The following PAK3 variants were observed in gnomAD, a reference collection of about 807,000 sequenced individuals.
The protein encoded by PAK3 is p21 (RAC1) activated kinase 3.
Under a neutral mutation model 41.0 loss-of-function variants are expected in PAK3, and 4 were observed. The observed-to-expected ratio is 0.10, with a 90% confidence interval of 0.05 to 0.22. PAK3 has a LOEUF of 0.22. PAK3 is among the 10% of genes least tolerant of loss of function. The pLI is 1.00. For synonymous variants in PAK3, 146 were observed against 139.6 expected (o/e 1.05, Z -0.32); for missense variants, 205 against 409.9 (o/e 0.50, Z 4.32).
chrX:111,090,632 C>A (rs1282432735), intron 1 of PAK3, among the ~76,000 whole-genome samples: 3 of 111,393 alleles, frequency 2.7e-5, no homozygotes, highest in Admixed American at 9.5e-5. Flanking sequence ...TCACGACAAC[C>A]AGCAATGATT....
chrX:111,121,284 T>C (rs2148992201), intron 4 of PAK3, among the ~76,000 whole-genome samples: 1 of 111,650 alleles, frequency 9.0e-6, no homozygotes, highest in Admixed American at 9.5e-5. Context: ...TTCATTAAGA[T>C]AATGCAAGAC....
rs111779757 is a variant in PAK3 at position 110,978,195 on chromosome X, G to A, written c.-28+33567G>A. Reference sequence around the variant, plus strand: ...GTGGTATATTACATTAATTGATTTTGCAGATGTTAAAACAACCTTGAATTC... The same window carrying A: ...GTGGTATATTACATTAATTGATTTTACAGATGTTAAAACAACCTTGAATTC... On this transcript the variant is annotated intron_variant, in intron 1 of 14. Coordinates refer to the PAK3 transcript ENST00000425146. Among the ~76,000 whole-genome samples the A allele has an allele frequency of 7.8e-3, 863 of 111,168 alleles. 9 individuals carry two copies. The highest frequency in any genetic ancestry group is 0.027 in the African/African-American group (822 of 30,627).
intron 1 of PAK3, among the ~76,000 whole-genome samples, chrX:111,037,232 A>C (rs951658752): frequency 2.7e-5 from 3 of 112,004 alleles, no homozygotes; most frequent in Admixed American, 1.9e-4. Context: ...GTCATGAGCC[A>C]CTGCACCCAG....
At chrX:110,961,886 T>G (rs2090986044) in intron 1 of PAK3, among the ~76,000 whole-genome samples, 2 of 112,407 alleles carry the variant, frequency 1.8e-5, no homozygotes, top group Admixed American at 1.9e-4. Context: ...GAGTCATTAA[T>G]TTTATACTGC....
intron 4 of PAK3, among the ~76,000 whole-genome samples, chrX:111,117,869 G>A (rs1443532137): frequency 9.0e-6 from 1 of 111,456 alleles, no homozygotes; most frequent in Non-Finnish European, 1.9e-5. Flanking sequence ...TGTGCAATTT[G>A]AGACAAGATG....
rs6642850 is a variant in PAK3, at chrX:111,016,351, G to A, written c.-28+71723G>A. Among the ~76,000 whole-genome samples, 449 of 111,560 alleles carry A rather than the reference G, an allele frequency of 4.0e-3. 1 individual carries two copies. Among genetic ancestry groups the A allele is most frequent in the African/African-American group, 0.014 (432 of 30,705 alleles). On this transcript the variant is annotated intron_variant, in intron 1 of 14. Transcript: ENST00000425146. ...GGTGGGGACATTGTGCCTGACATAC[G>A]GAAAGGTCCCCATAAATGTTAGCTG... is the stretch of plus-strand genomic sequence containing the variant.
chrX:111,099,396 G>A (rs184764037), intron 3 of PAK3, among the ~76,000 whole-genome samples: 29 of 111,392 alleles, frequency 2.6e-4, no homozygotes, highest in African/African-American at 9.1e-4. Context: ...GGAGCAAAAC[G>A]GTGCAGCTAC....
exon 1 of PAK3, chrX:110,944,550 GCTC>G (rs1014612167): frequency 1.8e-5 from 2 of 112,710 alleles, no homozygotes; most frequent in Non-Finnish European, 3.7e-5. Flanking sequence ...CCCATCCCCT[GCTC>G]CTCCTGCCCA....
rs2094216905 is a variant in PAK3, at chrX:111,163,587, C to T, written c.626C>T (p.Ser209Phe). ...ATCTATACTCGTTCTGTGGTTGAATCCATTGCTTCACCAGCAGTACCAAAT... is the reference window on the plus strand; with the variant it reads ...ATCTATACTCGTTCTGTGGTTGAATTCATTGCTTCACCAGCAGTACCAAAT... ...KSIYTRSVVE[S>F]IASPAVPNKE... is the part of the protein sequence containing the mutation. The change falls in exon 10 of 18, where the codon TCC becomes TTC. Residue 209 changes from serine (S) to phenylalanine (F), a missense_variant. Transcript: ENST00000372007. 1 of 1,205,252 alleles carries T rather than the reference C, an allele frequency of 8.3e-7. No individual in the cohort carries two copies. Among genetic ancestry groups the T allele is most frequent in the East Asian group, 3.0e-5 (1 of 33,790 alleles).
At chrX:111,081,110 G>T (rs949720980) in intron 1 of PAK3, among the ~76,000 whole-genome samples, 1 of 111,705 alleles carries the variant, frequency 9.0e-6, no homozygotes, top group Admixed American at 9.5e-5. Flanking sequence ...TGGTCAAAGG[G>T]TATAAAGTTT....
At chrX:111,150,482 T>C (rs1469845098) in intron 7 of PAK3, among the ~76,000 whole-genome samples, 2 of 112,085 alleles carry the variant, frequency 1.8e-5, no homozygotes, top group Non-Finnish European at 3.8e-5. Context: ...ATTGGACTTA[T>C]AGTTCCACAT....
At chrX:110,993,657 G>C (rs867805070) in intron 1 of PAK3, among the ~76,000 whole-genome samples, 6 of 112,149 alleles carry the variant, frequency 5.4e-5, no homozygotes, top group African/African-American at 9.7e-5. Context: ...AAATTCAAAT[G>C]CATGGCTAAA....
chrX:111,032,269 C>T (rs1187145232), intron 1 of PAK3, among the ~76,000 whole-genome samples: 1 of 111,770 alleles, frequency 8.9e-6, no homozygotes, highest in Non-Finnish European at 1.9e-5. Context: ...AGAAACTTTC[C>T]CAAGCTTGCA....
intron 10 of PAK3, among the ~76,000 whole-genome samples, chrX:111,172,419 C>T (rs2094354501): frequency 9.0e-6 from 1 of 111,428 alleles, no homozygotes; most frequent in African/African-American, 3.3e-5. Flanking sequence ...TTGTGTGATG[C>T]TGAGGCTTGG....
At chrX:111,014,233 C>A (rs1298739797) in intron 1 of PAK3, among the ~76,000 whole-genome samples, 1 of 111,780 alleles carries the variant, frequency 8.9e-6, no homozygotes, top group Non-Finnish European at 1.9e-5. Flanking sequence ...TAGTCAAAAA[C>A]CATAGTCGGC....
chrX:110,979,829 T>C (rs1443173508), intron 1 of PAK3, among the ~76,000 whole-genome samples: 1 of 112,171 alleles, frequency 8.9e-6, no homozygotes, highest in Non-Finnish European at 1.9e-5. Flanking sequence ...TCATTTTCAT[T>C]CTGATCTGTA....
At chrX:111,133,127 A>G (rs1230350739) in intron 5 of PAK3, among the ~76,000 whole-genome samples, 1 of 111,698 alleles carries the variant, frequency 9.0e-6, no homozygotes, top group Non-Finnish European at 1.9e-5. Context: ...TCAACTATTC[A>G]AAAACCTTTC....
chrX:111,205,657 C>T (rs1440497102), intron 16 of PAK3, among the ~76,000 whole-genome samples: 1 of 111,421 alleles, frequency 9.0e-6, no homozygotes, highest in East Asian at 2.8e-4. Flanking sequence ...GTGAAGAACA[C>T]TGCAGTAATA....
intron 8 of PAK3, chrX:111,152,870 A>G (rs1341628716): frequency 8.2e-6 from 1 of 121,585 alleles, no homozygotes; most frequent in African/African-American, 3.2e-5. Flanking sequence ...GATTAATCCA[A>G]GTTGTTGTGT....
Sources: gnomAD v4.1 joint callset for allele counts (sites outside exome capture counted in the v4.1 genomes callset) on GRCh38, gnomAD v4.1.1 for gene constraint, MANE v1.5 for transcripts, NCBI Gene and HGNC (gene_info 2026-07-23, HGNC 2026-07-21) for gene names.